The following EGLN1 variants were observed in gnomAD, a reference collection of about 807,000 sequenced individuals.
EGLN1 encodes egl nine homolog 1.
In EGLN1, 17 loss-of-function variants were observed where a neutral mutation model predicts 38.3. The ratio of observed to expected loss-of-function variants is 0.44; its 90% CI spans 0.30 to 0.67. The LOEUF (loss-of-function observed/expected upper bound fraction) is 0.67, where lower values mean the gene tolerates loss of function less well. EGLN1 is among the 30% of genes least tolerant of loss of function. The pLI is 0.08. For synonymous variants in EGLN1, 283 were observed against 257.5 expected (o/e 1.10, Z -0.95); for missense variants, 477 against 603.3 (o/e 0.79, Z 2.19).
intron 2 of EGLN1, among the ~76,000 whole-genome samples, chr1:231,371,529 T>C (rs1687822029): frequency 6.6e-6 from 1 of 152,196 alleles, no homozygotes; most frequent in Non-Finnish European, 1.5e-5. Flanking sequence ...CATCAGCATA[T>C]AGTTCATTAG....
intron 1 of EGLN1, among the ~76,000 whole-genome samples, chr1:231,375,032 CAAAG>C (rs1411626612): frequency 1.5e-5 from 2 of 136,456 alleles, no homozygotes. Flanking sequence ...AGAAAACAAA[CAAAG>C]ACGTTCAAGG....
chr1:231,406,716 T>C (rs977889011), intron 1 of EGLN1, among the ~76,000 whole-genome samples: 23 of 151,946 alleles, frequency 1.5e-4, no homozygotes, highest in African/African-American at 5.6e-4. Context: ...ATAGGGTCTA[T>C]GGAGGGGCTT....
At chr1:231,417,748 G>A (rs1181046171) in intron 1 of EGLN1, among the ~76,000 whole-genome samples, 1 of 152,070 alleles carries the variant, frequency 6.6e-6, no homozygotes, top group Non-Finnish European at 1.5e-5. Context: ...CTTTTTTAAA[G>A]TAGTTGCATA....
intron 1 of EGLN1, among the ~76,000 whole-genome samples, chr1:231,411,671 T>C (rs943081057): frequency 1.4e-4 from 22 of 152,124 alleles, no homozygotes; most frequent in Non-Finnish European, 2.5e-4. Context: ...TCTCTCACTT[T>C]AGAATCAAAA....
rs376247953 is a variant in EGLN1, at chr1:231,421,255, C to G, written c.634G>C (p.Asp212His). 6.2e-7 allele frequency: 1 copy of G among 1,613,806 alleles called. No homozygotes were observed. Among genetic ancestry groups the G allele is most frequent in the East Asian group, 2.2e-5 (1 of 44,848 alleles). The change falls in exon 1 of 5, where the codon GAC (aspartate) becomes CAC (histidine). Residue 212 changes from aspartate to histidine, a missense_variant. By Grantham distance (81) the Asp-to-His change is moderately conservative. Transcript: ENST00000366641. This position sits in a 1 kb window ranked among gnomAD's most constrained non-coding sequence, Gnocchi z 5.5. The part of the protein sequence containing the change: ...MNKHGICVVD[D>H]FLGKETGQQI... The stretch of plus-strand genomic sequence containing the variant: ...TGTCCGGTCTCCTTGCCGAGGAAGT[C>G]GTCCACCACACAGATGCCGTGCTTG...
chr1:231,388,708 G>A (rs1231644572), intron 1 of EGLN1, among the ~76,000 whole-genome samples: 1 of 152,140 alleles, frequency 6.6e-6, no homozygotes, highest in Non-Finnish European at 1.5e-5. Flanking sequence ...AGGCTGAAGT[G>A]CAATGGCGTG....
intron 1 of EGLN1, among the ~76,000 whole-genome samples, chr1:231,415,087 A>G (rs12072941): frequency 0.011 from 1,629 of 152,168 alleles, 37 homozygotes; most frequent in African/African-American, 0.037. Flanking sequence ...CCTAGACAAC[A>G]TAACGAGATC....
At chr1:231,372,623 C>A (rs1687857088) in intron 2 of EGLN1, among the ~76,000 whole-genome samples, 1 of 152,168 alleles carries the variant, frequency 6.6e-6, no homozygotes, top group South Asian at 2.1e-4. Flanking sequence ...AAATTTATTT[C>A]TCTACTTCAA....
intron 1 of EGLN1, among the ~76,000 whole-genome samples, chr1:231,406,665 G>C (rs1452800977): frequency 2.6e-5 from 4 of 152,010 alleles, no homozygotes; most frequent in Non-Finnish European, 5.9e-5. Flanking sequence ...AAAATGTTTA[G>C]TTTTGGTATG....
chr1:231,370,708 G>C lies in EGLN1; in HGVS notation c.1012-10C>G, dbSNP rs1558378168. Reference sequence around the variant, plus strand: ...GTATACCTCCACTTACCTAGGAAAAGAGCCAAATATGTAAGCAGGAGTAAC... The same window carrying C: ...GTATACCTCCACTTACCTAGGAAAACAGCCAAATATGTAAGCAGGAGTAAC... On this transcript the variant is annotated splice_polypyrimidine_tract_variant and intron_variant, in intron 2 of 4. Coordinates refer to ENST00000366641, the MANE Select transcript of EGLN1 (RefSeq NM_022051.3). 2 of 1,613,980 alleles carry C rather than the reference G, an allele frequency of 1.2e-6. No individual in the cohort carries two copies. Among genetic ancestry groups the C allele is most frequent in the East Asian group, 2.2e-5 (1 of 44,860 alleles).
At chr1:231,368,927 G>C (rs1687739952) in intron 3 of EGLN1, among the ~76,000 whole-genome samples, 1 of 151,914 alleles carries the variant, frequency 6.6e-6, no homozygotes, top group South Asian at 2.1e-4. Flanking sequence ...TTCTACTTTT[G>C]GGTGGCCTTG....
chr1:231,380,797 G>A (rs1054938605), intron 1 of EGLN1, among the ~76,000 whole-genome samples: 14 of 152,050 alleles, frequency 9.2e-5, no homozygotes, highest in African/African-American at 3.1e-4. Context: ...TCTTACTAAT[G>A]TTTTAATTAC....
chr1:231,391,769 T>C (rs1167461151), intron 1 of EGLN1, among the ~76,000 whole-genome samples: 1 of 152,138 alleles, frequency 6.6e-6, no homozygotes, highest in Non-Finnish European at 1.5e-5. Context: ...TATTAGCTTT[T>C]TATAAAAAAG....
intron 1 of EGLN1, among the ~76,000 whole-genome samples, chr1:231,391,090 TTTTGTGTG>T (rs1688363172): frequency 1.9e-5 from 1 of 53,102 alleles, no homozygotes; most frequent in African/African-American, 6.4e-5. Flanking sequence ...TCTGTTTTTT[TTTTGTGTG>T]TGTGTGTGTG....
chr1:231,381,566 T>C (rs1003679929), intron 1 of EGLN1, among the ~76,000 whole-genome samples: 12 of 152,264 alleles, frequency 7.9e-5, no homozygotes, highest in African/African-American at 2.9e-4. Flanking sequence ...TTAAAAAAAC[T>C]TAAATATACA....
chr1:231,417,975 A>C (rs1042349435), intron 1 of EGLN1, among the ~76,000 whole-genome samples: 1 of 152,192 alleles, frequency 6.6e-6, no homozygotes, highest in African/African-American at 2.4e-5. Context: ...AAGTGAACTA[A>C]CTTTTCCTGA....
At chr1:231,387,516 C>T (rs989700732) in intron 1 of EGLN1, among the ~76,000 whole-genome samples, 3 of 151,896 alleles carry the variant, frequency 2.0e-5, no homozygotes, top group Admixed American at 6.6e-5. Flanking sequence ...CCTGCCACCA[C>T]GTCCGGCTAA....
intron 1 of EGLN1, among the ~76,000 whole-genome samples, chr1:231,413,143 T>C (rs1038871186): frequency 1.3e-5 from 2 of 152,108 alleles, no homozygotes; most frequent in African/African-American, 2.4e-5. Flanking sequence ...TGGCATCATC[T>C]TGGCTCACTG....
intron 1 of EGLN1, among the ~76,000 whole-genome samples, chr1:231,404,622 A>T (rs1212171479): frequency 2.0e-5 from 3 of 151,614 alleles, no homozygotes; most frequent in East Asian, 1.9e-4. Context: ...TAAAAAAAAA[A>T]TTTTTTTTTA....
Sources: gnomAD v4.1 joint callset for allele counts (sites outside exome capture counted in the v4.1 genomes callset) on GRCh38, gnomAD v4.1.1 for gene constraint, Gnocchi (gnomAD v3.1) non-coding constraint, MANE v1.5 for transcripts, NCBI Gene and HGNC (gene_info 2026-07-23, HGNC 2026-07-21) for gene names.